Variants in TOP6BL observed in about 807,000 individuals in gnomAD.
The protein encoded by TOP6BL is type 2 DNA topoisomerase 6 subunit B-like.
chr11:66,813,732 C>CAA, the TOP6BL span: 1,328 of 628,434 alleles, frequency 2.1e-3, no homozygotes, highest in South Asian at 2.8e-3. Flanking sequence ...GACTCCATCT[C>CAA]AAAAAAAAAA....
chr11:66,770,819 G>A, the TOP6BL span, among the ~76,000 whole-genome samples: 1 of 151,832 alleles, frequency 6.6e-6, no homozygotes, highest in Non-Finnish European at 1.5e-5. Context: ...CTTACCCATC[G>A]TTGGCCACTT....
chr11:66,768,328 A>G, the TOP6BL span, among the ~76,000 whole-genome samples: 4 of 152,188 alleles, frequency 2.6e-5, no homozygotes, highest in East Asian at 1.9e-4. Flanking sequence ...TACAAAATCA[A>G]CAACTCTAAG....
chr11:66,810,225 C>G, the TOP6BL span, among the ~76,000 whole-genome samples: 3 of 151,984 alleles, frequency 2.0e-5, no homozygotes. Context: ...GAATTTATCA[C>G]CAGAAGACCT....
the TOP6BL span, among the ~76,000 whole-genome samples, chr11:66,789,736 A>G: frequency 2.0e-5 from 3 of 152,306 alleles, no homozygotes; most frequent in East Asian, 3.9e-4. Flanking sequence ...TGACAAGTCT[A>G]TGAAGTGGGT....
chr11:66,808,565 A>G, the TOP6BL span, among the ~76,000 whole-genome samples: 1 of 152,226 alleles, frequency 6.6e-6, no homozygotes, highest in Non-Finnish European at 1.5e-5. Context: ...ATGTTGATGA[A>G]AATGAAAGCA....
At chr11:66,814,739 A>G in the TOP6BL span, among the ~76,000 whole-genome samples, 37,573 of 152,090 alleles carry the variant, frequency 0.25, 4,718 homozygotes, top group Middle Eastern at 0.32. Context: ...TGGAAGAGAA[A>G]TGCTTCATAA....
chr11:66,774,321 C>T, the TOP6BL span, among the ~76,000 whole-genome samples: 8 of 152,086 alleles, frequency 5.3e-5, no homozygotes, highest in Admixed American at 1.3e-4. Flanking sequence ...GTAATCTAGT[C>T]TTTATCTCTG....
the TOP6BL span, among the ~76,000 whole-genome samples, chr11:66,794,383 A>G: frequency 6.6e-6 from 1 of 152,140 alleles, no homozygotes; most frequent in Non-Finnish European, 1.5e-5. Flanking sequence ...TAGGAACACT[A>G]TAATAGTGAG....
chr11:66,824,628 G>C, the TOP6BL span, among the ~76,000 whole-genome samples: 2 of 125,884 alleles, frequency 1.6e-5, no homozygotes, highest in East Asian at 4.5e-4. Context: ...CCTGGTGTGT[G>C]ATGTTCCCCT....
the TOP6BL span, among the ~76,000 whole-genome samples, chr11:66,794,491 A>G: frequency 6.6e-6 from 1 of 152,148 alleles, no homozygotes; most frequent in Non-Finnish European, 1.5e-5. Flanking sequence ...CTTTTGTAAA[A>G]TATTTATTTT....
the TOP6BL span, among the ~76,000 whole-genome samples, chr11:66,745,129 C>G: frequency 6.6e-5 from 10 of 152,246 alleles, no homozygotes; most frequent in African/African-American, 2.4e-4. Context: ...GAACGACGCC[C>G]TCTCTCCAGC....
the TOP6BL span, among the ~76,000 whole-genome samples, chr11:66,769,217 A>G: frequency 6.6e-6 from 1 of 152,224 alleles, no homozygotes; most frequent in Non-Finnish European, 1.5e-5. Flanking sequence ...GTCAGATGAC[A>G]TCACATAGAA....
chr11:66,748,375 T>C, the TOP6BL span: 2 of 1,534,292 alleles, frequency 1.3e-6, no homozygotes, highest in South Asian at 2.5e-5. Flanking sequence ...TGTGCTCTTT[T>C]CAGATTTTGA....
chr11:66,770,799 T>A, the TOP6BL span, among the ~76,000 whole-genome samples: 4 of 152,274 alleles, frequency 2.6e-5, no homozygotes, highest in Admixed American at 2.6e-4. Context: ...CTGACACCCC[T>A]TCTGGCCTCC....
the TOP6BL span, among the ~76,000 whole-genome samples, chr11:66,751,040 G>A: frequency 1.4e-5 from 2 of 140,454 alleles, no homozygotes. Context: ...TTTAGAGACA[G>A]GGTCTTACTC....
chr11:66,768,031 A>G, the TOP6BL span, among the ~76,000 whole-genome samples: 5 of 152,118 alleles, frequency 3.3e-5, no homozygotes, highest in Non-Finnish European at 7.3e-5. Flanking sequence ...GGCTCAAGCG[A>G]TCCTCCCACC....
the TOP6BL span, among the ~76,000 whole-genome samples, chr11:66,819,276 CATT>C: frequency 6.6e-6 from 1 of 151,998 alleles, no homozygotes; most frequent in Non-Finnish European, 1.5e-5. Context: ...GTGACTAACT[CATT>C]ATTTTCCCCA....
At chr11:66,830,515 C>T in the TOP6BL span, among the ~76,000 whole-genome samples, 1 of 151,888 alleles carries the variant, frequency 6.6e-6, no homozygotes, top group Admixed American at 6.6e-5. Flanking sequence ...ACAAATTAAA[C>T]AGAAGAAATG....
At chr11:66,761,778 C>G in the TOP6BL span, 1 of 794,232 alleles carries the variant, frequency 1.3e-6, no homozygotes, top group South Asian at 1.3e-5. Context: ...CATTCAAACT[C>G]GCTGGTGGAC....
Sources: gnomAD v4.1 joint callset for allele counts (sites outside exome capture counted in the v4.1 genomes callset) on GRCh38, gnomAD v4.1.1 for gene constraint, MANE v1.5 for transcripts, NCBI Gene and HGNC (gene_info 2026-07-23, HGNC 2026-07-21) for gene names.